SLC16A1: variants seen among roughly 807,000 people sequenced by gnomAD.
SLC16A1 encodes the protein solute carrier family 16 member 1.
In SLC16A1, 11 loss-of-function variants were observed where a neutral mutation model predicts 32.2. The ratio of observed to expected loss-of-function variants is 0.34; its 90% CI spans 0.21 to 0.56. The LOEUF is 0.56. Ranked by LOEUF, SLC16A1 falls within the 20% of genes least tolerant of loss-of-function variation. The probability of loss-of-function intolerance (pLI) is 0.87; values close to 1 mark genes in which losing one functional copy is unlikely to be tolerated. For missense variants in SLC16A1, 435 were observed against 615.0 expected, an observed-to-expected ratio of 0.71 and a Z score of 3.10; for synonymous variants, 231 against 226.8, an observed-to-expected ratio of 1.02 and a Z score of -0.17.
chr1:112,913,886 T>C lies in SLC16A1; in HGVS notation c.*5A>G, dbSNP rs1485932156. 1 of 1,614,168 alleles carries C rather than the reference T, an allele frequency of 6.2e-7. No individual in the cohort carries two copies. The highest frequency in any genetic ancestry group is 8.5e-7 in the Non-Finnish European group (1 of 1,180,014). On this transcript the variant is annotated 3_prime_UTR_variant, in exon 5 of 5. Coordinates refer to ENST00000369626, the MANE Select transcript of SLC16A1 (RefSeq NM_003051.4). ...CTGCTCAATTTACCCTTCAGCCCCA[T>C]GGATTCAGACTGGACTTTCCTCCTC...
At chr1:112,922,343 AC>A (rs1366636591) in intron 2 of SLC16A1, 1 of 586,206 alleles carries the variant, frequency 1.7e-6, no homozygotes, top group African/African-American at 1.9e-5. Context: ...ATCTAAAAAT[AC>A]TGGATGGAAT....
At chr1:112,933,458 A>AC in intron 1 of SLC16A1, among the ~76,000 whole-genome samples, 1 of 151,100 alleles carries the variant, frequency 6.6e-6, no homozygotes, top group Non-Finnish European at 1.5e-5. Context: ...TGCGTCTCAA[A>AC]AAAAAAAAAA....
At position 112,916,880 on chromosome 1, in the gene SLC16A1, G is replaced by A. The variant is rs377663065; in HGVS notation, c.1228+298C>T. Among the ~76,000 whole-genome samples, 3 of 152,124 alleles carry A rather than the reference G, an allele frequency of 2.0e-5. No homozygotes were observed. The South Asian group carries it at 6.2e-4, about 31-fold the overall frequency. ...GGAGGCGGAGGTTGCAGTGAGCTGA[G>A]ATGGTGCCACTGCACTCCAGCCTGG... is the stretch of plus-strand genomic sequence containing the variant. On this transcript the variant is annotated intron_variant, in intron 4 of 4. Coordinates refer to ENST00000369626, the MANE Select transcript of SLC16A1 (RefSeq NM_003051.4).
chr1:112,922,656 T>A (rs1384153015), intron 2 of SLC16A1, among the ~76,000 whole-genome samples: 49 of 152,000 alleles, frequency 3.2e-4, no homozygotes, highest in Non-Finnish European at 2.9e-5. Context: ...GTGCCTGTAA[T>A]CCCAGCTACT....
rs530843056 is a variant in SLC16A1 at position 112,914,766 on chromosome 1, C to T, written c.1229-601G>A. Reference sequence around the variant, plus strand: ...TAAGTGAAATGACTTGGCTTTAAACCTAGAAAGTCTGACTCGGAAGTCTGC... The same window carrying T: ...TAAGTGAAATGACTTGGCTTTAAACTTAGAAAGTCTGACTCGGAAGTCTGC... On this transcript the variant is annotated intron_variant, in intron 4 of 4. Coordinates refer to ENST00000369626, the MANE Select transcript of SLC16A1 (RefSeq NM_003051.4). 2.0e-5 allele frequency among the ~76,000 whole-genome samples: 3 copies of T among 152,304 alleles called. No individual in the cohort carries two copies. In the East Asian group the frequency reaches 5.8e-4, roughly 29 times the overall value.
intron 1 of SLC16A1, among the ~76,000 whole-genome samples, chr1:112,947,656 T>C (rs1388944460): frequency 6.6e-6 from 1 of 152,238 alleles, no homozygotes; most frequent in Admixed American, 6.5e-5. Context: ...ATATTTTAAA[T>C]ATGTATTTAC....
intron 1 of SLC16A1, among the ~76,000 whole-genome samples, chr1:112,945,925 A>T (rs530970508): frequency 1.3e-5 from 2 of 152,232 alleles, no homozygotes; most frequent in Admixed American, 1.3e-4. Flanking sequence ...CCAGAGGCGG[A>T]GATTGAGGTG....
rs545237713 is a variant in SLC16A1, at chr1:112,916,271, G to A, written c.1228+907C>T. Among the ~76,000 whole-genome samples the A allele has an allele frequency of 8.6e-5, 13 of 150,696 alleles. No individual in the cohort carries two copies. The South Asian group carries it at 2.3e-3, about 27-fold the overall frequency. ...TCCCAGCACTTTGGGAGGCCAAGGC[G>A]GGTGGACCACCTGAGGTTAGGAGTT... On this transcript the variant is annotated intron_variant, in intron 4 of 4. Coordinates refer to ENST00000369626, the MANE Select transcript of SLC16A1 (RefSeq NM_003051.4).
chr1:112,941,605 TAC>T (rs1649516377), intron 1 of SLC16A1, among the ~76,000 whole-genome samples: 1 of 152,090 alleles, frequency 6.6e-6, no homozygotes, highest in South Asian at 2.1e-4. Context: ...TAGTCCTAAA[TAC>T]CATACGTATT....
Position 112,917,029 on chromosome 1 carries a change from T to G in SLC16A1, c.1228+149A>C, listed in dbSNP as rs1426672249. On this transcript the variant is annotated intron_variant, in intron 4 of 4. Coordinates refer to ENST00000369626, the MANE Select transcript of SLC16A1 (RefSeq NM_003051.4). The surrounding 1 kb of genome is among the most constrained non-coding windows in gnomAD (Gnocchi z 4.1). ...ATTCTATATTTGAGCAATTATGCTG[T>G]GCCAAGCATTGTCCCAGCATCAAGG... The G allele has an allele frequency of 1.0e-6, 1 of 966,292 alleles. No homozygotes were observed. The highest frequency in any genetic ancestry group is 2.6e-5 in the East Asian group (1 of 38,452). The allele number at this position is 966,292 out of a possible 1,614,324, so 59.9% of individuals were successfully genotyped here.
At chr1:112,951,991 A>G (rs1353411704) in intron 1 of SLC16A1, among the ~76,000 whole-genome samples, 1 of 152,202 alleles carries the variant, frequency 6.6e-6, no homozygotes, top group African/African-American at 2.4e-5. Context: ...TTAGTGTAGT[A>G]CAAAGAGGGA....
chr1:112,933,028 T>C (rs1006267442), intron 1 of SLC16A1, among the ~76,000 whole-genome samples: 6 of 152,078 alleles, frequency 3.9e-5, no homozygotes, highest in East Asian at 1.9e-4. Context: ...GTAAACTATA[T>C]AGAAATAAAT....
Position 112,913,930 on chromosome 1 carries a change from G to A in SLC16A1, c.1464C>T (p.Asp488=). ...CCTCCTCCTTGGGCCCTCCATCTGT[G>A]TCTTTCTGGTCCGGAGATTCTGCTG... ...TKAAESPDQK[D]TDGGPKEEES... is the part of the protein sequence containing the mutation. The change falls in exon 5 of 5, where the codon GAC becomes GAT. Residue 488 remains aspartate, a synonymous_variant. Transcript: ENST00000369626. The A allele has an allele frequency of 6.2e-7, 1 of 1,614,146 alleles. No individual in the cohort carries two copies. The highest frequency in any genetic ancestry group is 8.5e-7 in the Non-Finnish European group (1 of 1,180,032).
At chr1:112,947,486 T>C (rs545393565) in intron 1 of SLC16A1, among the ~76,000 whole-genome samples, 2 of 152,274 alleles carry the variant, frequency 1.3e-5, no homozygotes, top group South Asian at 4.1e-4. Flanking sequence ...AGAGAAAGCT[T>C]TTCCTTTTCT....
chr1:112,929,344 T>C lies in SLC16A1; in HGVS notation c.-36A>G, dbSNP rs1649046273. The C allele has an allele frequency of 1.3e-6, 2 of 1,537,666 alleles. No individual in the cohort carries two copies. Among genetic ancestry groups the C allele is most frequent in the Admixed American group, 1.7e-5 (1 of 59,610 alleles). ...GATAAATTCCAAAATGCAGGTCAAATCCAAATATCTGAAAGACATAAAATT... is the reference window on the plus strand; with the variant it reads ...GATAAATTCCAAAATGCAGGTCAAACCCAAATATCTGAAAGACATAAAATT... On this transcript the variant is annotated 5_prime_UTR_variant, in exon 2 of 5. Coordinates refer to ENST00000369626, the MANE Select transcript of SLC16A1 (RefSeq NM_003051.4).
At chr1:112,922,185 C>T in intron 2 of SLC16A1, 52 bp from the exon 3 acceptor site, 1 of 1,550,300 alleles carries the variant, frequency 6.5e-7, no homozygotes. Flanking sequence ...TCCCTCACAT[C>T]TACACAAGTA....
intron 2 of SLC16A1, chr1:112,924,366 C>A: frequency 1.6e-6 from 2 of 1,247,728 alleles, no homozygotes; most frequent in Non-Finnish European, 2.4e-6. Context: ...CTCAGGTTGC[C>A]CAAGGCTCTT....
chr1:112,922,465 G>C (rs1388568155), intron 2 of SLC16A1: 1 of 356,670 alleles, frequency 2.8e-6, no homozygotes, highest in Non-Finnish European at 5.3e-6. Context: ...ATGTATCTAG[G>C]ATACGATTAA....
chr1:112,917,589 T>C lies in SLC16A1; in HGVS notation c.817A>G (p.Met273Val). ...FLLYLSGNVI[M>V]FFGLFAPLVF... is the part of the protein sequence containing the mutation. ...AAAGGTGCAAAGAGTCCAAAAAACATGATCACATTTCCAGAGAGGTATAGC... is the reference window on the plus strand; with the variant it reads ...AAAGGTGCAAAGAGTCCAAAAAACACGATCACATTTCCAGAGAGGTATAGC... The change falls in exon 4 of 5, where the codon ATG (methionine) becomes GTG (valine). Residue 273 changes from methionine to valine, a missense_variant. Met to Val is a conservative substitution (Grantham distance 21, BLOSUM62 1). Around this residue, in one of 2 missense-constraint regions of SLC16A1, gnomAD observed 324 missense variants for 500.3 expected, o/e 0.65. Coordinates refer to ENST00000369626, the MANE Select transcript of SLC16A1 (RefSeq NM_003051.4). This position sits in a 1 kb window ranked among gnomAD's most constrained non-coding sequence, Gnocchi z 4.1. The C allele has an allele frequency of 2.5e-6, 4 of 1,614,182 alleles. No individual in the cohort carries two copies. The highest frequency in any genetic ancestry group is 3.4e-6 in the Non-Finnish European group (4 of 1,180,028).
Sources: gnomAD v4.1 joint callset for allele counts (sites outside exome capture counted in the v4.1 genomes callset) on GRCh38, gnomAD v4.1.1 for gene constraint, gnomAD v4.1.1 regional missense constraint, Gnocchi (gnomAD v3.1) non-coding constraint, MANE v1.5 for transcripts, NCBI Gene and HGNC (gene_info 2026-07-23, HGNC 2026-07-21) for gene names.